The following NF2 variants were observed in gnomAD, a reference collection of about 807,000 sequenced individuals.
NF2 encodes NF2, moesin-ezrin-radixin like (MERLIN) tumor suppressor.
Under a neutral mutation model 83.7 loss-of-function variants are expected in NF2, and 8 were observed. The observed-to-expected ratio is 0.10, with a 90% CI of 0.06 to 0.17. The LOEUF (loss-of-function observed/expected upper bound fraction) is 0.17, where lower values mean the gene tolerates loss of function less well. NF2 is among the 10% of genes least tolerant of loss of function. The probability of loss-of-function intolerance (pLI) is 1.00; values close to 1 mark genes in which losing one functional copy is unlikely to be tolerated. For synonymous variants in NF2, 266 were observed against 269.6 expected, an observed-to-expected ratio of 0.99 and a Z score of 0.13; for missense variants, 533 against 744.4, an observed-to-expected ratio of 0.72 and a Z score of 3.31.
intron 6 of NF2, among the ~76,000 whole-genome samples, chr22:29,656,389 T>G (rs901020718): frequency 1.3e-5 from 2 of 150,674 alleles, no homozygotes; most frequent in African/African-American, 4.9e-5. Flanking sequence ...ATTGTATGAG[T>G]AGTTCTGGGG....
chr22:29,615,482 AG>A (rs1166115237), intron 1 of NF2, among the ~76,000 whole-genome samples: 5 of 152,114 alleles, frequency 3.3e-5, no homozygotes, highest in Non-Finnish European at 7.4e-5. Context: ...TTGAGGTGGG[AG>A]GATCACTTGA....
chr22:29,671,717 GA>G (rs2147069018), intron 10 of NF2, 108 bp from the exon 11 acceptor site: 8 of 1,521,870 alleles, frequency 5.3e-6, no homozygotes, highest in Admixed American at 1.8e-5. Context: ...GAAAGGGAAG[GA>G]AAAAGGTCCC....
intron 13 of NF2, among the ~76,000 whole-genome samples, chr22:29,676,050 A>T (rs1045751582): frequency 1.3e-5 from 2 of 151,940 alleles, no homozygotes; most frequent in African/African-American, 4.8e-5. Flanking sequence ...CCAGACAGAG[A>T]TCCTTGCTGG....
chr22:29,664,734 A>C (rs929373751), intron 8 of NF2, among the ~76,000 whole-genome samples: 2 of 152,166 alleles, frequency 1.3e-5, no homozygotes, highest in African/African-American at 4.8e-5. Context: ...TGCTTATTTT[A>C]GGTTGTCAAG....
intron 3 of NF2, among the ~76,000 whole-genome samples, chr22:29,640,376 A>C (rs2065774620): frequency 6.6e-6 from 1 of 152,280 alleles, no homozygotes; most frequent in Admixed American, 6.5e-5. Context: ...TTAAGTACAC[A>C]GTAGGCATTC....
intron 15 of NF2, among the ~76,000 whole-genome samples, chr22:29,686,866 G>A (rs952039319): frequency 6.6e-6 from 1 of 152,178 alleles, no homozygotes; most frequent in African/African-American, 2.4e-5. Flanking sequence ...ATTCTCAGTG[G>A]GAGCGACACG....
chr22:29,659,810 T>G (rs186977201), intron 7 of NF2, among the ~76,000 whole-genome samples: 39 of 152,302 alleles, frequency 2.6e-4, no homozygotes, highest in Admixed American at 1.0e-3. Context: ...TTCCAAAATG[T>G]ACTGCAGATG....
chr22:29,652,391 G>C (rs750586081), intron 4 of NF2, among the ~76,000 whole-genome samples: 1 of 152,078 alleles, frequency 6.6e-6, no homozygotes, highest in Non-Finnish European at 1.5e-5. Context: ...TGCAACCTCC[G>C]CCTCCCGGGT....
chr22:29,606,352 T>C (rs1301576312), intron 1 of NF2, among the ~76,000 whole-genome samples: 3 of 152,190 alleles, frequency 2.0e-5, no homozygotes, highest in African/African-American at 7.2e-5. Context: ...CAATTGCTCA[T>C]CCCCCAGTTC....
chr22:29,668,883 C>T (rs2066704031), intron 10 of NF2, among the ~76,000 whole-genome samples: 1 of 152,230 alleles, frequency 6.6e-6, no homozygotes. Context: ...ACTCTGGCTG[C>T]AATTCCCCAC....
intron 8 of NF2, 60 bp downstream of exon 8, chr22:29,661,399 C>T: frequency 6.2e-7 from 1 of 1,605,642 alleles, no homozygotes; most frequent in Non-Finnish European, 8.5e-7. Flanking sequence ...GCCCCCCTCA[C>T]TGGAGCCTCC....
intron 15 of NF2, among the ~76,000 whole-genome samples, chr22:29,690,763 G>A (rs995538438): frequency 2.6e-5 from 4 of 152,208 alleles, no homozygotes; most frequent in Admixed American, 6.5e-5. Flanking sequence ...GGAGAGCAGC[G>A]GGTCAGCCCA....
At chr22:29,656,293 A>G (rs1053446803) in intron 6 of NF2, among the ~76,000 whole-genome samples, 3 of 151,608 alleles carry the variant, frequency 2.0e-5, no homozygotes, top group Non-Finnish European at 4.4e-5. Context: ...TTTTGCATCC[A>G]TCCCTTTATT....
chr22:29,673,526 C>T (rs372880220), intron 12 of NF2, 40 bp downstream of exon 12: 145 of 1,575,090 alleles, frequency 9.2e-5, no homozygotes, highest in African/African-American at 8.0e-5. Context: ...AGGAGGCTGG[C>T]GAAGGGCCGC....
At chr22:29,674,012 T>C (rs1601650340) in intron 12 of NF2, among the ~76,000 whole-genome samples, 1 of 152,214 alleles carries the variant, frequency 6.6e-6, no homozygotes, top group Non-Finnish European at 1.5e-5. Flanking sequence ...GGTTGAAGGA[T>C]GGAACTGTTG....
rs1439837519 is a variant in NF2 at position 29,698,034 on chromosome 22, C to T, written c.*3232C>T. The stretch of plus-strand genomic sequence containing the variant: ...CGGGACCATTCATGAGGTCACTGCC[C>T]AGCTCATGATGTCCGTGAGGCTGTC... On this transcript the variant is annotated 3_prime_UTR_variant, in exon 16 of 16. Transcript: ENST00000338641. 8.8e-6 allele frequency: 2 copies of T among 227,938 alleles called. No homozygotes were observed. The highest frequency in any genetic ancestry group is 5.7e-5 in the Admixed American group (1 of 17,570). The allele number at this position is 227,938 out of a possible 1,614,324, so 14.1% of individuals were successfully genotyped here.
intron 15 of NF2, among the ~76,000 whole-genome samples, chr22:29,689,497 C>A (rs2067351167): frequency 6.6e-6 from 1 of 151,996 alleles, no homozygotes; most frequent in Non-Finnish European, 1.5e-5. Flanking sequence ...GCTCACATTT[C>A]AATTCCACTG....
At chr22:29,650,477 C>G (rs1303507471) in intron 4 of NF2, among the ~76,000 whole-genome samples, 3 of 152,102 alleles carry the variant, frequency 2.0e-5, no homozygotes, top group Non-Finnish European at 2.9e-5. Flanking sequence ...TTCTGTGAAT[C>G]AACCGTTTAT....
At chr22:29,615,443 T>C (rs765244173) in intron 1 of NF2, among the ~76,000 whole-genome samples, 1 of 151,934 alleles carries the variant, frequency 6.6e-6, no homozygotes, top group Non-Finnish European at 1.5e-5. Context: ...CGTGGTGGCT[T>C]GCACCTGTAG....
Sources: allele counts gnomAD v4.1 joint callset (sites outside exome capture counted in the v4.1 genomes callset), GRCh38; gene constraint gnomAD v4.1.1; transcripts MANE v1.5; gene names NCBI Gene and HGNC (gene_info 2026-07-23, HGNC 2026-07-21).